The following LCP1 variants were observed in gnomAD, a reference collection of about 807,000 sequenced individuals.
LCP1 encodes lymphocyte cytosolic protein 1.
In LCP1, 23 loss-of-function variants were observed where a neutral mutation model predicts 72.0. The ratio of observed to expected loss-of-function variants is 0.32; its 90% CI spans 0.23 to 0.45. LCP1 has a LOEUF of 0.45. LCP1 is among the 20% of genes least tolerant of loss of function. The pLI is 1.00. For synonymous variants in LCP1, 245 were observed against 275.4 expected, an observed-to-expected ratio of 0.89 and a Z score of 1.09; for missense variants, 571 against 748.3, an observed-to-expected ratio of 0.76 and a Z score of 2.76.
chr13:46,175,980 A>G (rs10083235), intron 1 of LCP1, among the ~76,000 whole-genome samples: 1 of 152,144 alleles, frequency 6.6e-6, no homozygotes, highest in Non-Finnish European at 1.5e-5. Flanking sequence ...TGAGGGTGAT[A>G]TGAGCAGATG....
chr13:46,151,159 T>G, intron 7 of LCP1, 81 bp from the exon 8 acceptor site: 1 of 1,417,270 alleles, frequency 7.1e-7, no homozygotes. Context: ...CATTAAGCTC[T>G]GCTAAAAAGC....
chr13:46,175,709 A>T (rs2045925992), intron 1 of LCP1, among the ~76,000 whole-genome samples: 2 of 152,218 alleles, frequency 1.3e-5, no homozygotes, highest in African/African-American at 4.8e-5. Flanking sequence ...TGACAGCAAG[A>T]AAAGGAAAAA....
intron 4 of LCP1, among the ~76,000 whole-genome samples, chr13:46,157,008 G>A (rs986213451): frequency 6.6e-6 from 1 of 151,666 alleles, no homozygotes; most frequent in African/African-American, 2.4e-5. Context: ...TTTTAGTAGA[G>A]ACGGGGTTTC....
chr13:46,169,335 T>G (rs1224560868), intron 1 of LCP1: 1 of 152,376 alleles, frequency 6.6e-6, no homozygotes, highest in East Asian at 1.9e-4. Context: ...TGTTCAGGTT[T>G]AGGCTGCAAT....
At chr13:46,157,827 A>C (rs112224564) in intron 4 of LCP1, among the ~76,000 whole-genome samples, 2 of 147,278 alleles carry the variant, frequency 1.4e-5, no homozygotes, top group Non-Finnish European at 3.0e-5. Flanking sequence ...GCTCACTGCA[A>C]CCTCTGCCTC....
intron 1 of LCP1, among the ~76,000 whole-genome samples, chr13:46,174,778 G>A (rs538518216): frequency 3.3e-5 from 5 of 150,022 alleles, no homozygotes; most frequent in East Asian, 3.9e-4. Flanking sequence ...CCCAGTAGGC[G>A]GAAGTTGCAG....
intron 8 of LCP1, chr13:46,148,728 G>T: frequency 1.5e-6 from 1 of 684,886 alleles, no homozygotes; most frequent in Non-Finnish European, 1.9e-6. Context: ...CTTTAGGGGA[G>T]AAAAACAACT....
intron 1 of LCP1, among the ~76,000 whole-genome samples, chr13:46,178,370 G>A (rs1042884712): frequency 1.3e-5 from 2 of 152,038 alleles, no homozygotes; most frequent in African/African-American, 2.4e-5. Context: ...AAAACAACAG[G>A]AACAGTCAAT....
At chr13:46,127,792 TCA>T in intron 15 of LCP1, 69 bp from the exon 16 acceptor site, 1 of 1,561,764 alleles carries the variant, frequency 6.4e-7, no homozygotes, top group Non-Finnish European at 8.7e-7. Flanking sequence ...CCCTGGAGGG[TCA>T]CAGTCACAGT....
chr13:46,140,750 C>A (rs2093707), intron 13 of LCP1, among the ~76,000 whole-genome samples: 88,068 of 151,984 alleles, frequency 0.58, 26,611 homozygotes, highest in African/African-American at 0.77. Flanking sequence ...GAAAGGACAG[C>A]TATGGGAAAT....
At chr13:46,162,841 G>T (rs1048772939) in intron 1 of LCP1, among the ~76,000 whole-genome samples, 1 of 151,732 alleles carries the variant, frequency 6.6e-6, no homozygotes, top group Non-Finnish European at 1.5e-5. Context: ...CCGCGACCCC[G>T]TCTGGGAGGT....
At position 46,143,383 on chromosome 13, in the gene LCP1, G is replaced by T. The variant is rs1593948199; in HGVS notation, c.1275C>A (p.Val425=). ...HLYSDLSDAL[V]IFQLYEKIKV... is the part of the protein sequence containing the mutation. ...TGATCTTTTCATAGAGCTGGAAGATGACCAGGGCATCTGATAAGTCACTGA... is the reference window on the plus strand; with the variant it reads ...TGATCTTTTCATAGAGCTGGAAGATTACCAGGGCATCTGATAAGTCACTGA... Residue 425 remains valine, a synonymous_variant, in exon 12 of 16, where the codon GTC becomes GTA. Transcript: ENST00000323076. 7 of 1,613,588 alleles carry T rather than the reference G, an allele frequency of 4.3e-6. No homozygotes were observed. The East Asian group carries it at 1.3e-4, about 31-fold the overall frequency.
intron 9 of LCP1, 103 bp from the exon 10 acceptor site, chr13:46,147,206 GT>G: frequency 1.0e-6 from 1 of 1,004,652 alleles, no homozygotes; most frequent in Non-Finnish European, 1.4e-6. Flanking sequence ...AATCATTAGT[GT>G]TTATCTCAGG....
intron 11 of LCP1, among the ~76,000 whole-genome samples, 184 bp downstream of exon 11, chr13:46,144,258 T>G (rs2045716318): frequency 6.6e-6 from 1 of 152,238 alleles, no homozygotes; most frequent in South Asian, 2.1e-4. Context: ...ACAGTGAGAC[T>G]GATGTATGCA....
intron 1 of LCP1, among the ~76,000 whole-genome samples, chr13:46,166,074 G>A (rs566232707): frequency 7.2e-5 from 11 of 152,176 alleles, no homozygotes; most frequent in African/African-American, 2.2e-4. Context: ...AGTCAGTAGC[G>A]AAGGGAATTT....
At chr13:46,155,947 A>T (rs2045798648) in intron 5 of LCP1, among the ~76,000 whole-genome samples, 1 of 152,156 alleles carries the variant, frequency 6.6e-6, no homozygotes, top group African/African-American at 2.4e-5. Flanking sequence ...ATATATTCCA[A>T]AAATATATAA....
At chr13:46,149,840 C>T (rs1251505856) in intron 8 of LCP1, among the ~76,000 whole-genome samples, 1 of 152,198 alleles carries the variant, frequency 6.6e-6, no homozygotes, top group Non-Finnish European at 1.5e-5. Context: ...AATTGCAGAG[C>T]TTAACTGTTG....
intron 13 of LCP1, among the ~76,000 whole-genome samples, 162 bp from the exon 14 acceptor site, chr13:46,134,412 C>T (rs2045651705): frequency 6.6e-6 from 1 of 152,020 alleles, no homozygotes; most frequent in African/African-American, 2.4e-5. Flanking sequence ...ACATTAGTTC[C>T]TTTTAGAATA....
chr13:46,172,624 TTGGTGAGG>T (rs1193330532), intron 1 of LCP1, among the ~76,000 whole-genome samples: 2 of 151,850 alleles, frequency 1.3e-5, no homozygotes, highest in Non-Finnish European at 2.9e-5. Context: ...GGATGAGAGG[TTGGTGAGG>T]TGGTGTCAGC....
Sources: allele counts gnomAD v4.1 joint callset (sites outside exome capture counted in the v4.1 genomes callset), GRCh38; gene constraint gnomAD v4.1.1; transcripts MANE v1.5; gene names NCBI Gene and HGNC (gene_info 2026-07-23, HGNC 2026-07-21).